NGEF: variants seen among roughly 807,000 people sequenced by gnomAD.
The protein encoded by NGEF is ephexin-1.
NGEF carries 31 observed loss-of-function variants against 80.9 expected under a neutral mutation model. That is an observed-to-expected ratio of 0.38 (90% CI 0.29 to 0.52). The LOEUF is 0.52. Ranked by LOEUF, NGEF falls within the 20% of genes least tolerant of loss-of-function variation. NGEF has a pLI of 0.84. For synonymous variants in NGEF, 371 were observed against 370.2 expected (o/e 1.00, Z -0.03); for missense variants, 709 against 926.2 (o/e 0.77, Z 3.04).
At chr2:232,954,729 GAAA>G (rs11404293) in intron 3 of NGEF, among the ~76,000 whole-genome samples, 117 of 135,078 alleles carry the variant, frequency 8.7e-4, no homozygotes, top group African/African-American at 3.3e-3. Context: ...CGTCTCAAAA[GAAA>G]AAAAAAAAAA....
At chr2:232,888,295 C>A (rs545824676) in intron 8 of NGEF, among the ~76,000 whole-genome samples, 188 bp from the exon 9 acceptor site, 1 of 152,038 alleles carries the variant, frequency 6.6e-6, no homozygotes, top group South Asian at 2.1e-4. Context: ...CGTGTGCACA[C>A]ACGTGCATAC....
intron 3 of NGEF, among the ~76,000 whole-genome samples, chr2:232,961,718 G>A (rs558290733): frequency 4.6e-5 from 7 of 152,062 alleles, no homozygotes; most frequent in African/African-American, 1.2e-4. Context: ...GGATGGTCTC[G>A]ATCTCCTGAC....
chr2:232,932,688 G>C (rs1693240771), intron 3 of NGEF, among the ~76,000 whole-genome samples: 1 of 152,158 alleles, frequency 6.6e-6, no homozygotes, highest in Non-Finnish European at 1.5e-5. Context: ...CTGGAAGTCT[G>C]AGATCATGGT....
At chr2:232,918,635 T>TG in intron 5 of NGEF, among the ~76,000 whole-genome samples, 1 of 96,538 alleles carries the variant, frequency 1.0e-5, no homozygotes, top group Non-Finnish European at 2.3e-5. Context: ...TAAGTTTTTT[T>TG]TTTTTTTTTT....
At chr2:232,991,297 G>A (rs1311568979) in intron 1 of NGEF, among the ~76,000 whole-genome samples, 1 of 151,786 alleles carries the variant, frequency 6.6e-6, no homozygotes, top group African/African-American at 2.4e-5. Flanking sequence ...ATCTCTATTT[G>A]CAGATAACAT....
intron 5 of NGEF, chr2:232,901,400 C>A (rs1424258666): frequency 1.0e-6 from 1 of 985,442 alleles, no homozygotes; most frequent in Non-Finnish European, 1.2e-6. Flanking sequence ...CGCCGTGGAC[C>A]TCTGGGCCGT....
At chr2:232,879,894 G>A (rs1422077861) in intron 14 of NGEF, among the ~76,000 whole-genome samples, 1 of 152,206 alleles carries the variant, frequency 6.6e-6, no homozygotes, top group Non-Finnish European at 1.5e-5. Flanking sequence ...CACGGAACAA[G>A]GCCTGCTCCG....
intron 5 of NGEF, among the ~76,000 whole-genome samples, chr2:232,919,046 G>C (rs1271942639): frequency 6.6e-6 from 1 of 152,060 alleles, no homozygotes; most frequent in African/African-American, 2.4e-5. Flanking sequence ...TACTCTACTG[G>C]GCACAACACC....
chr2:232,924,165 A>G (rs986744726), intron 4 of NGEF, among the ~76,000 whole-genome samples: 2 of 152,128 alleles, frequency 1.3e-5, no homozygotes, highest in African/African-American at 4.8e-5. Context: ...TGAACCCGGG[A>G]GGAGGAGGCT....
chr2:232,898,799 TGGAA>T (rs1425956128), intron 5 of NGEF, among the ~76,000 whole-genome samples: 3 of 152,096 alleles, frequency 2.0e-5, no homozygotes, highest in East Asian at 3.9e-4. Flanking sequence ...CCCAGGGTAG[TGGAA>T]GGAAGTGTGA....
chr2:232,930,047 T>C (rs1279806586), intron 3 of NGEF, among the ~76,000 whole-genome samples: 1 of 152,204 alleles, frequency 6.6e-6, no homozygotes, highest in Non-Finnish European at 1.5e-5. Context: ...CCATGTGGAA[T>C]TGTGAGTCCA....
intron 1 of NGEF, among the ~76,000 whole-genome samples, chr2:233,001,563 C>T (rs968246149): frequency 1.1e-4 from 17 of 151,868 alleles, no homozygotes; most frequent in East Asian, 1.9e-4. Context: ...GAACGGAAGG[C>T]GAGAGGGAGG....
At chr2:232,880,126 A>G (rs751782484) in intron 14 of NGEF, among the ~76,000 whole-genome samples, 8 of 152,038 alleles carry the variant, frequency 5.3e-5, no homozygotes, top group Non-Finnish European at 8.8e-5. Context: ...GCTGGCCTGG[A>G]CTGTGTCATT....
intron 2 of NGEF, 33 bp downstream of exon 2, chr2:232,974,590 G>A: frequency 1.9e-6 from 3 of 1,602,324 alleles, no homozygotes; most frequent in Non-Finnish European, 2.6e-6. Flanking sequence ...TGGATGTAAG[G>A]GAACAGCCGT....
intron 1 of NGEF, among the ~76,000 whole-genome samples, chr2:232,977,531 C>T (rs998407624): frequency 1.3e-5 from 2 of 152,178 alleles, no homozygotes; most frequent in Admixed American, 6.5e-5. Context: ...TCTTCTTTCC[C>T]CGGCCCCTGT....
At chr2:232,988,036 CGT>C (rs57143286) in intron 1 of NGEF, among the ~76,000 whole-genome samples, 24,874 of 139,930 alleles carry the variant, frequency 0.18, 2,571 homozygotes, top group Non-Finnish European at 0.22. Flanking sequence ...GGGATGGTCT[CGT>C]GTGTGTGTGT....
chr2:233,007,046 C>T (rs1275082627), intron 1 of NGEF, among the ~76,000 whole-genome samples: 3 of 152,106 alleles, frequency 2.0e-5, no homozygotes, highest in South Asian at 4.2e-4. Flanking sequence ...GAGTTCGAGA[C>T]CAGCCTGGTC....
intron 3 of NGEF, among the ~76,000 whole-genome samples, chr2:232,952,648 A>G (rs931766065): frequency 6.6e-6 from 1 of 152,054 alleles, no homozygotes; most frequent in African/African-American, 2.4e-5. Context: ...CTATTTTCTG[A>G]CTGTCTTGAA....
chr2:232,886,290 G>A (rs1003908985), intron 9 of NGEF, among the ~76,000 whole-genome samples: 5 of 147,352 alleles, frequency 3.4e-5, no homozygotes, highest in Admixed American at 6.8e-5. Context: ...GTGTGTGTGC[G>A]TGCTGTGTGT....
Sources: gnomAD v4.1 joint callset for allele counts (sites outside exome capture counted in the v4.1 genomes callset) on GRCh38, gnomAD v4.1.1 for gene constraint, MANE v1.5 for transcripts, NCBI Gene and HGNC (gene_info 2026-07-23, HGNC 2026-07-21) for gene names.